Variants in KATNIP observed in about 807,000 individuals in gnomAD.
KATNIP encodes the protein katanin-interacting protein.
KATNIP carries 126 observed loss-of-function variants against 174.0 expected under a neutral mutation model. That is an observed-to-expected ratio of 0.72 (90% CI 0.63 to 0.84). KATNIP has a LOEUF of 0.84. KATNIP is among the 40% of genes least tolerant of loss of function. KATNIP has a pLI of 0.00. For synonymous variants in KATNIP, 810 were observed against 835.7 expected (o/e 0.97, Z 0.53); for missense variants, 1,958 against 2,109.7 (o/e 0.93, Z 1.41).
intron 11 of KATNIP, among the ~76,000 whole-genome samples, chr16:27,703,350 A>G (rs1414466229): frequency 6.6e-6 from 1 of 152,072 alleles, no homozygotes; most frequent in East Asian, 1.9e-4. Flanking sequence ...TTTGCAAATG[A>G]TGAAGGCACG....
At chr16:27,631,189 G>C in intron 5 of KATNIP, 27 bp downstream of exon 5, 2 of 1,498,658 alleles carry the variant, frequency 1.3e-6, no homozygotes, top group South Asian at 1.2e-5. Flanking sequence ...CCCAGCCCAC[G>C]CTTTAGAATA....
intron 22 of KATNIP, among the ~76,000 whole-genome samples, chr16:27,772,890 TGCAC>T (rs2082358999): frequency 1.3e-5 from 2 of 151,512 alleles, no homozygotes; most frequent in African/African-American, 4.9e-5. Context: ...AACACTCACA[TGCAC>T]ACACACACAC....
At chr16:27,731,291 G>A (rs1008067672) in intron 14 of KATNIP, among the ~76,000 whole-genome samples, 4 of 152,206 alleles carry the variant, frequency 2.6e-5, no homozygotes, top group Non-Finnish European at 5.9e-5. Flanking sequence ...GGGGATTGCC[G>A]CACTGGGCCC....
intron 6 of KATNIP, among the ~76,000 whole-genome samples, chr16:27,675,013 C>T (rs986310500): frequency 1.3e-5 from 2 of 152,302 alleles, no homozygotes; most frequent in South Asian, 4.2e-4. Flanking sequence ...AACTAGAAAA[C>T]AAGTTATCTG....
At chr16:27,582,312 G>A (rs1169122283) in intron 2 of KATNIP, among the ~76,000 whole-genome samples, 4 of 152,154 alleles carry the variant, frequency 2.6e-5, no homozygotes, top group Non-Finnish European at 5.9e-5. Flanking sequence ...AAGGCAAGTT[G>A]GTGGTGTTGC....
intron 2 of KATNIP, 59 bp downstream of exon 2, chr16:27,574,015 G>A (rs1159053960): frequency 6.7e-7 from 1 of 1,486,738 alleles, no homozygotes; most frequent in Non-Finnish European, 9.4e-7. Context: ...GGACCTGAGG[G>A]AGCAGGGTGG....
chr16:27,775,196 C>G (rs2082453630), intron 24 of KATNIP, 112 bp downstream of exon 24: 1 of 1,310,524 alleles, frequency 7.6e-7, no homozygotes, highest in South Asian at 1.3e-5. Context: ...AATCTCAAGC[C>G]AAGATGCTTG....
rs539279644 is a variant in KATNIP, at chr16:27,674,188, G to C, written c.541-3541G>C. On this transcript the variant is annotated intron_variant, in intron 6 of 27. Transcript: ENST00000261588. ...AATACTTGGTATCAAGGGATGAAAG[G>C]GGGAGAACTCTAAAAAGAGACAGCT... Among the ~76,000 whole-genome samples, 4 of 152,262 alleles carry C rather than the reference G, an allele frequency of 2.6e-5. No homozygotes were observed. In the South Asian group the frequency reaches 8.3e-4, roughly 32 times the overall value.
chr16:27,683,426 A>T (rs1039509314), intron 8 of KATNIP, among the ~76,000 whole-genome samples: 1 of 152,166 alleles, frequency 6.6e-6, no homozygotes, highest in African/African-American at 2.4e-5. Flanking sequence ...GCTATCCCCA[A>T]ACTGGTTCCT....
intron 2 of KATNIP, among the ~76,000 whole-genome samples, chr16:27,592,883 A>G (rs936663832): frequency 2.0e-5 from 3 of 152,130 alleles, no homozygotes; most frequent in African/African-American, 4.8e-5. Context: ...CAGCAGCTCT[A>G]CAAGGTAAGT....
intron 1 of KATNIP, among the ~76,000 whole-genome samples, chr16:27,560,773 C>T (rs568313169): frequency 1.3e-5 from 2 of 152,306 alleles, no homozygotes; most frequent in African/African-American, 4.8e-5. Context: ...TGCTTTTCTC[C>T]CTCTTTGAGG....
chr16:27,640,604 A>G (rs770877509), intron 5 of KATNIP, among the ~76,000 whole-genome samples: 49 of 151,808 alleles, frequency 3.2e-4, no homozygotes, highest in Middle Eastern at 3.5e-3. Flanking sequence ...ATTTTGTCAC[A>G]TGTTGCTTCA....
rs2080144007 is a variant in KATNIP, at chr16:27,719,940, G to A, written c.1606-1618G>A. Among the ~76,000 whole-genome samples the A allele has an allele frequency of 2.6e-5, 4 of 152,140 alleles. No individual in the cohort carries two copies. In the South Asian group the frequency reaches 8.3e-4, roughly 32 times the overall value. ...TCCTGCCTCAGCCTCCCAAGTCACT[G>A]GGATTAAAGGCATGAGCCACTGCAC... On this transcript the variant is annotated intron_variant, in intron 13 of 27. Transcript: ENST00000261588.
chr16:27,728,389 G>A (rs557463276), intron 14 of KATNIP, among the ~76,000 whole-genome samples: 12 of 152,334 alleles, frequency 7.9e-5, no homozygotes, highest in African/African-American at 2.4e-4. Flanking sequence ...CGGGTCCCCA[G>A]CCAGCAGGGG....
chr16:27,593,536 C>T (rs940793614), intron 2 of KATNIP, among the ~76,000 whole-genome samples: 27 of 151,750 alleles, frequency 1.8e-4, no homozygotes, highest in African/African-American at 6.3e-4. Context: ...CCGTGTCCGT[C>T]CTAAACTTTT....
chr16:27,713,782 T>TATGTGTG (rs1325017737), intron 13 of KATNIP, among the ~76,000 whole-genome samples: 1 of 46,256 alleles, frequency 2.2e-5, no homozygotes, highest in African/African-American at 7.6e-5. Context: ...TATACACATA[T>TATGTGTG]TATATATGTG....
Position 27,771,653 on chromosome 16 carries a change from G to C in KATNIP, c.4198+1G>C, listed in dbSNP as rs1269862499. The C allele has an allele frequency of 6.2e-7, 1 of 1,613,070 alleles. No homozygotes were observed. The highest frequency in any genetic ancestry group is 1.7e-5 in the Admixed American group (1 of 59,932). On this transcript the variant is annotated splice_donor_variant, in intron 22 of 27. Coordinates refer to ENST00000261588, the MANE Select transcript of KATNIP (RefSeq NM_015202.5). LOFTEE classifies it high-confidence loss of function. ...GAGGCACCGCTGATGCCCTGTGGCT[G>C]TATCCTTCTCCTCCCGCCCCACCAG...
intron 8 of KATNIP, among the ~76,000 whole-genome samples, chr16:27,694,584 C>T (rs972656760): frequency 3.3e-5 from 5 of 151,878 alleles, no homozygotes; most frequent in African/African-American, 1.2e-4. Context: ...TCACTTGAGT[C>T]CAGGAGTTTG....
intron 6 of KATNIP, among the ~76,000 whole-genome samples, chr16:27,664,628 G>T (rs1443253334): frequency 6.6e-6 from 1 of 152,122 alleles, no homozygotes; most frequent in East Asian, 1.9e-4. Flanking sequence ...CTTACTTTTT[G>T]TCTCTTTGAT....
Sources: gnomAD v4.1 joint callset for allele counts (sites outside exome capture counted in the v4.1 genomes callset) on GRCh38, gnomAD v4.1.1 for gene constraint, MANE v1.5 for transcripts, NCBI Gene and HGNC (gene_info 2026-07-23, HGNC 2026-07-21) for gene names.